Variants in MGAT5 observed in about 807,000 individuals in gnomAD.
MGAT5 encodes alpha-1,6-mannosylglycoprotein 6-beta-N-acetylglucosaminyltransferase A.
A neutral mutation model predicts 94.3 loss-of-function variants in MGAT5; 30 were observed. That is an observed-to-expected ratio of 0.32 (90% CI 0.24 to 0.43). MGAT5 has a LOEUF of 0.43. MGAT5 is among the 20% of genes least tolerant of loss of function. MGAT5 has a pLI of 1.00. For missense variants in MGAT5, 691 were observed against 905.5 expected (o/e 0.76, Z 3.04); for synonymous variants, 310 against 322.9 (o/e 0.96, Z 0.43).
chr2:134,338,518 T>TG, intron 6 of MGAT5, 98 bp downstream of exon 6: 2 of 1,317,366 alleles, frequency 1.5e-6, no homozygotes. Context: ...ATATCTCAAA[T>TG]GATATTCTCT....
intron 1 of MGAT5, among the ~76,000 whole-genome samples, chr2:134,127,882 T>A (rs1685920912): frequency 6.6e-6 from 1 of 152,194 alleles, no homozygotes; most frequent in Non-Finnish European, 1.5e-5. Flanking sequence ...CTAGGTGTGT[T>A]CCTGATTTTG....
At chr2:134,185,738 G>A (rs183356970) in intron 1 of MGAT5, among the ~76,000 whole-genome samples, 2 of 152,270 alleles carry the variant, frequency 1.3e-5, no homozygotes, top group African/African-American at 4.8e-5. Flanking sequence ...CAATTTTTGG[G>A]CAATTGCTTA....
chr2:134,453,371 G>A lies in MGAT5; in HGVS notation c.*4524G>A, dbSNP rs564321169. On this transcript the variant is annotated 3_prime_UTR_variant, in exon 16 of 16. Transcript: ENST00000281923. ...AACTCCAGCTGGAAAAGGTAAAGGT[G>A]ACCTTTGGCTAGCCACATACTGGAC... 6.6e-6 allele frequency: 1 copy of A among 151,280 alleles called. No individual in the cohort carries two copies. The highest frequency in any genetic ancestry group is 6.5e-5 in the Admixed American group (1 of 15,288). 9.4% of individuals were successfully genotyped at this position (151,280 alleles called of 1,614,324 possible). A position where few individuals can be genotyped will look rare whatever the true frequency, so the allele number is the denominator to read the frequency against.
rs1483152846 is a variant in MGAT5 at position 134,422,976 on chromosome 2, A to G, written c.1794+57A>G. 4.7e-6 allele frequency: 6 copies of G among 1,288,186 alleles called. No homozygotes were observed. The South Asian group carries it at 4.8e-5, about 10-fold the overall frequency. The allele number at this position is 1,288,186 out of a possible 1,614,324, so 79.8% of individuals were successfully genotyped here. On this transcript the variant is annotated intron_variant, in intron 13 of 15. Coordinates refer to ENST00000281923, the MANE Select transcript of MGAT5 (RefSeq NM_002410.5). ...TCTAATGTGACCTGAAATGTGTATA[A>G]AACACATCATAGGTCCTTGTTTTTA...
In MGAT5 at chr2:134,124,360, C is replaced by T. The variant is rs148738049; in HGVS notation, c.-143+4069C>T. ...GCATCCTTCCCTGACTTTGTCATATCTGCAGGGCTATGTGTGTGCATGGGA... is the reference window on the plus strand; with the variant it reads ...GCATCCTTCCCTGACTTTGTCATATTTGCAGGGCTATGTGTGTGCATGGGA... On this transcript the variant is annotated intron_variant, in intron 1 of 16. Coordinates refer to the MGAT5 transcript ENST00000409645. 3.3e-3 allele frequency among the ~76,000 whole-genome samples: 496 copies of T among 152,326 alleles called. 2 individuals are homozygous for T. The highest frequency in any genetic ancestry group is 0.011 in the African/African-American group (470 of 41,556).
Position 134,254,262 on chromosome 2 carries a change from C to A in MGAT5, c.-142C>A, listed in dbSNP as rs544580675. The A allele has an allele frequency of 7.4e-5, 71 of 956,950 alleles. No homozygotes were observed. The African/African-American group carries it at 1.0e-3, about 14-fold the overall frequency. 59.3% of individuals were successfully genotyped at this position (956,950 alleles called of 1,614,324 possible). ...GGCTAATTCTTCTCCTCCTTCACAG[C>A]AGAATGGAAGTGAGGAAAGGCAACC... On this transcript the variant is annotated 5_prime_UTR_variant, in exon 1 of 16. Transcript: ENST00000281923.
At chr2:134,329,668 T>G (rs1394224973) in intron 4 of MGAT5, among the ~76,000 whole-genome samples, 1 of 152,070 alleles carries the variant, frequency 6.6e-6, no homozygotes, top group Non-Finnish European at 1.5e-5. Context: ...AGCATGATAA[T>G]TAGCCTTTCT....
At position 134,158,695 on chromosome 2, in the gene MGAT5, G is replaced by A. The variant is rs141972019; in HGVS notation, c.-143+38404G>A. Among the ~76,000 whole-genome samples, 4 of 152,292 alleles carry A rather than the reference G, an allele frequency of 2.6e-5. No individual in the cohort carries two copies. In the South Asian group the frequency reaches 6.2e-4, roughly 24 times the overall value. On this transcript the variant is annotated intron_variant, in intron 1 of 16. Coordinates refer to the MGAT5 transcript ENST00000409645. ...GGGCTCTTGCCTGTTCCCGTCTCCC[G>A]CTGGCTGCCCTGTCCCACCTGTGCC...
Position 134,178,675 on chromosome 2 carries a change from G to A in MGAT5, c.-143+58384G>A, listed in dbSNP as rs568069864. 5.3e-5 allele frequency among the ~76,000 whole-genome samples: 8 copies of A among 152,310 alleles called. No individual in the cohort carries two copies. The East Asian group carries it at 1.5e-3, about 29-fold the overall frequency. ...ACAAGGATTATAACGTTGGTGCAAA[G>A]GAAGATAAGTCGAGGAGTAAGAGAT... On this transcript the variant is annotated intron_variant, in intron 1 of 16. Transcript: ENST00000409645.
At chr2:134,349,398 A>ATT (rs1286296211) in intron 8 of MGAT5, among the ~76,000 whole-genome samples, 2 of 152,194 alleles carry the variant, frequency 1.3e-5, no homozygotes, top group African/African-American at 2.4e-5. Flanking sequence ...TTTAAGCAGA[A>ATT]TAAGACCTCT....
intron 14 of MGAT5, among the ~76,000 whole-genome samples, chr2:134,438,338 A>G (rs943976557): frequency 3.9e-5 from 6 of 152,352 alleles, no homozygotes; most frequent in African/African-American, 1.4e-4. Flanking sequence ...ATTTCAGATA[A>G]GGGATATTCA....
At chr2:134,156,394 T>C (rs1687481846) in intron 1 of MGAT5, among the ~76,000 whole-genome samples, 1 of 152,150 alleles carries the variant, frequency 6.6e-6, no homozygotes, top group Non-Finnish European at 1.5e-5. Flanking sequence ...TTGGCCTGTG[T>C]CATTCTTCTT....
At chr2:134,155,258 G>A (rs1251524247) in intron 1 of MGAT5, among the ~76,000 whole-genome samples, 2 of 152,188 alleles carry the variant, frequency 1.3e-5, no homozygotes, top group Non-Finnish European at 2.9e-5. Flanking sequence ...GGAAGATGCC[G>A]TGTCCTTTGC....
chr2:134,186,601 A>T (rs1689047896), intron 1 of MGAT5, among the ~76,000 whole-genome samples: 1 of 152,142 alleles, frequency 6.6e-6, no homozygotes, highest in South Asian at 2.1e-4. Flanking sequence ...GCTGAGTCTG[A>T]TGGATGATGT....
At chr2:134,140,243 TGAGAAGGCAAAGCCAACA>T (rs1686597735) in intron 1 of MGAT5, among the ~76,000 whole-genome samples, 5 of 152,230 alleles carry the variant, frequency 3.3e-5, no homozygotes, top group Admixed American at 3.3e-4. Flanking sequence ...AAGAGAGGCA[TGAGAAGGCAAAGCCAACA>T]GAGAAGGAGG....
intron 2 of MGAT5, among the ~76,000 whole-genome samples, chr2:134,276,864 G>A (rs1558753882): frequency 6.6e-6 from 1 of 152,186 alleles, no homozygotes; most frequent in South Asian, 2.1e-4. Flanking sequence ...TGAGACCCAC[G>A]TTAGGGTGAA....
intron 1 of MGAT5, among the ~76,000 whole-genome samples, chr2:134,203,673 T>C (rs1679903053): frequency 6.6e-6 from 1 of 151,910 alleles, no homozygotes; most frequent in African/African-American, 2.4e-5. Context: ...AGAGCCACGT[T>C]GTGACTCTTG....
At chr2:134,355,298 G>A (rs1051517724) in intron 9 of MGAT5, among the ~76,000 whole-genome samples, 6 of 151,924 alleles carry the variant, frequency 3.9e-5, no homozygotes, top group Admixed American at 1.3e-4. Flanking sequence ...TGTCACATAC[G>A]TACTAAAATT....
intron 1 of MGAT5, among the ~76,000 whole-genome samples, chr2:134,234,078 G>A (rs1681509412): frequency 1.3e-5 from 2 of 152,226 alleles, no homozygotes; most frequent in South Asian, 4.1e-4. Flanking sequence ...AGAGCAGGGA[G>A]ACTTTGTGGT....
Sources: allele counts gnomAD v4.1 joint callset (sites outside exome capture counted in the v4.1 genomes callset), GRCh38; gene constraint gnomAD v4.1.1; transcripts MANE v1.5; gene names NCBI Gene and HGNC (gene_info 2026-07-23, HGNC 2026-07-21).